The following PCDHGC3 variants were observed in gnomAD, a reference collection of about 807,000 sequenced individuals.
PCDHGC3 encodes the protein protocadherin gamma subfamily C, 3.
A neutral mutation model predicts 59.2 loss-of-function variants in PCDHGC3; 26 were observed. The ratio of observed to expected loss-of-function variants is 0.44; its 90% CI spans 0.32 to 0.61. PCDHGC3 has a LOEUF of 0.61. PCDHGC3 is among the 20% of genes least tolerant of loss of function. The pLI, the probability that PCDHGC3 is intolerant of heterozygous loss-of-function variation, is 0.05. For synonymous variants in PCDHGC3, 487 were observed against 519.7 expected, an observed-to-expected ratio of 0.94 and a Z score of 0.86; for missense variants, 1,080 against 1,221.8, an observed-to-expected ratio of 0.88 and a Z score of 1.73.
In PCDHGC3 at chr5:141,476,141, G is replaced by A. The variant is rs1011341002; in HGVS notation, c.25G>A (p.Gly9Arg). The change falls in exon 1 of 4, where the codon GGA (glycine) becomes AGA (arginine). Residue 9 changes from glycine to arginine, a missense_variant. Physicochemically the swap from Gly to Arg is moderately radical, Grantham distance 125 (BLOSUM62 -2). Coordinates refer to ENST00000308177, the MANE Select transcript of PCDHGC3 (RefSeq NM_002588.4). This position sits in a 1 kb window ranked among gnomAD's most constrained non-coding sequence, Gnocchi z 7.6. ...GATGGTCCCAGAGGCCTGGAGGAGCGGACTGGTAAGCACCGGGAGGGTAGT... is the reference window on the plus strand; with the variant it reads ...GATGGTCCCAGAGGCCTGGAGGAGCAGACTGGTAAGCACCGGGAGGGTAGT... Reference protein sequence around the residue: MVPEAWRSGLVSTGRVVGV... With the variant: MVPEAWRSRLVSTGRVVGV... 5.6e-6 allele frequency: 9 copies of A among 1,609,928 alleles called. No homozygotes were observed. Among genetic ancestry groups the A allele is most frequent in the Non-Finnish European group, 7.6e-6 (9 of 1,178,880 alleles).
Position 141,476,239 on chromosome 5 carries a change from A to T in PCDHGC3, c.123A>T (p.Arg41Ser). ...TVIHYEIPEEREKGFAVGNVV... is the reference protein window; with the variant it reads ...TVIHYEIPEESEKGFAVGNVV... ...TTCACTATGAGATCCCGGAGGAAAG[A>T]GAGAAGGGTTTCGCTGTGGGCAACG... is the stretch of plus-strand genomic sequence containing the variant. The change falls in exon 1 of 4, where the codon AGA becomes AGT. Residue 41 changes from arginine (R) to serine (S), a missense_variant. Physicochemically the swap from Arg to Ser is moderately radical, Grantham distance 110. Coordinates refer to ENST00000308177, the MANE Select transcript of PCDHGC3 (RefSeq NM_002588.4). This position sits in a 1 kb window ranked among gnomAD's most constrained non-coding sequence, Gnocchi z 7.6. 1 of 1,613,826 alleles carries T rather than the reference A, an allele frequency of 6.2e-7. No homozygotes were observed. Among genetic ancestry groups the T allele is most frequent in the Non-Finnish European group, 8.5e-7 (1 of 1,179,996 alleles).
At position 141,477,039 on chromosome 5, in the gene PCDHGC3, G is replaced by C. The variant is rs1313580652; in HGVS notation, c.923G>C (p.Gly308Ala). Reference sequence around the variant, plus strand: ...GTAACCGGGATGCTGACAATCAAGGGTCGGCTGGACTTCGAGGACACCAAA... The same window carrying C: ...GTAACCGGGATGCTGACAATCAAGGCTCGGCTGGACTTCGAGGACACCAAA... Reference protein sequence around the residue: ...DLVTGMLTIKGRLDFEDTKLH... With the variant: ...DLVTGMLTIKARLDFEDTKLH... Residue 308 changes from glycine to alanine, a missense_variant, in exon 1 of 4, where the codon GGT becomes GCT. Coordinates refer to ENST00000308177, the MANE Select transcript of PCDHGC3 (RefSeq NM_002588.4). This position sits in a 1 kb window ranked among gnomAD's most constrained non-coding sequence, Gnocchi z 4.9. 1 of 1,614,144 alleles carries C rather than the reference G, an allele frequency of 6.2e-7. No individual in the cohort carries two copies. The highest frequency in any genetic ancestry group is 8.5e-7 in the Non-Finnish European group (1 of 1,180,056).
At position 141,511,482 on chromosome 5, in the gene PCDHGC3, C is replaced by A. The variant is rs761434245; in HGVS notation, c.*309C>A. ...CACACCCCGTTTAGTTACAGCTGAA[C>A]TCCTCCATCTTCCAAATCAATCAGG... On this transcript the variant is annotated 3_prime_UTR_variant, in exon 4 of 4. Coordinates refer to ENST00000308177, the MANE Select transcript of PCDHGC3 (RefSeq NM_002588.4). The A allele has an allele frequency of 2.4e-4, 113 of 464,462 alleles. No homozygotes were observed. Among genetic ancestry groups the A allele is most frequent in the Non-Finnish European group, 4.0e-4 (105 of 260,154 alleles). The allele number at this position is 464,462 out of a possible 1,614,324, so 28.8% of individuals were successfully genotyped here. A position where few individuals can be genotyped will look rare whatever the true frequency, so the allele number is the denominator to read the frequency against.
At position 141,487,499 on chromosome 5, in the gene PCDHGC3, G is replaced by C; in HGVS notation, c.2431-7308G>C. 6.2e-7 allele frequency: 1 copy of C among 1,614,152 alleles called. No individual in the cohort carries two copies. The highest frequency in any genetic ancestry group is 1.3e-5 in the African/African-American group (1 of 75,042). ...CCACTCTCATGGCTGTACACCCTTG[G>C]CTTCTGCACCCACTCGGAGTGATAG... On this transcript the variant is annotated intron_variant, in intron 1 of 3. Coordinates refer to ENST00000308177, the MANE Select transcript of PCDHGC3 (RefSeq NM_002588.4). The surrounding 1 kb of genome is among the most constrained non-coding windows in gnomAD (Gnocchi z 5.0).
intron 2 of PCDHGC3, among the ~76,000 whole-genome samples, chr5:141,503,886 T>G (rs150106838): frequency 8.2e-4 from 125 of 152,290 alleles, no homozygotes; most frequent in African/African-American, 2.9e-3. Flanking sequence ...TCACCCACCA[T>G]GACAAAATAT....
Position 141,476,591 on chromosome 5 carries a change from G to T in PCDHGC3, c.475G>T (p.Ala159Ser), listed in dbSNP as rs200254399. The T allele has an allele frequency of 6.2e-7, 1 of 1,614,230 alleles. No homozygotes were observed. The highest frequency in any genetic ancestry group is 8.5e-7 in the Non-Finnish European group (1 of 1,180,046). Residue 159 changes from alanine (A) to serine (S), a missense_variant, in exon 1 of 4, where the codon GCG becomes TCG. Physicochemically the swap from Ala to Ser is moderately conservative, Grantham distance 99 (BLOSUM62 1). Transcript: ENST00000308177. The surrounding 1 kb of genome is among the most constrained non-coding windows in gnomAD (Gnocchi z 7.6). The stretch of plus-strand genomic sequence containing the variant: ...GGGGACGCGCTTTCCGCTCGAGAGC[G>T]CGCACGATCCCGATGTGGGAAGCAA... The part of the protein sequence containing the change: ...APGTRFPLES[A>S]HDPDVGSNSL...
At position 141,486,415 on chromosome 5, in the gene PCDHGC3, T is replaced by C. The variant is rs745877804; in HGVS notation, c.2430+7869T>C. On this transcript the variant is annotated intron_variant, in intron 1 of 3. Transcript: ENST00000308177. The surrounding 1 kb of genome is among the most constrained non-coding windows in gnomAD (Gnocchi z 5.0). ...CCCTGGTGACTGCTGGACCCTTGGA[T>C]CGAGAGGCCAAATCTAGCTATGACA... 6.2e-7 allele frequency: 1 copy of C among 1,614,176 alleles called. No individual in the cohort carries two copies. The highest frequency in any genetic ancestry group is 8.5e-7 in the Non-Finnish European group (1 of 1,180,022).
chr5:141,487,811 A>C lies in PCDHGC3; in HGVS notation c.2431-6996A>C, dbSNP rs1389081995. 2 of 1,414,662 alleles carry C rather than the reference A, an allele frequency of 1.4e-6. No homozygotes were observed. The highest frequency in any genetic ancestry group is 1.9e-6 in the Non-Finnish European group (2 of 1,041,698). The allele number at this position is 1,414,662 out of a possible 1,614,324, so 87.6% of individuals were successfully genotyped here. On this transcript the variant is annotated intron_variant, in intron 1 of 3. Coordinates refer to ENST00000308177, the MANE Select transcript of PCDHGC3 (RefSeq NM_002588.4). This position sits in a 1 kb window ranked among gnomAD's most constrained non-coding sequence, Gnocchi z 5.0. ...TTAACCAGAGTTGTCACAGTTTAGC[A>C]TTGGGGGCGGGTCATGCCTATATCT...
At chr5:141,500,315 G>C (rs944076867) in intron 2 of PCDHGC3, among the ~76,000 whole-genome samples, 41 of 151,522 alleles carry the variant, frequency 2.7e-4, no homozygotes, top group African/African-American at 9.5e-4. Flanking sequence ...TTCACGCCAT[G>C]CTCCTGCCTC....
Position 141,477,568 on chromosome 5 carries a change from C to T in PCDHGC3, c.1452C>T (p.Pro484=), listed in dbSNP as rs2099413139. The T allele has an allele frequency of 6.2e-7, 1 of 1,614,172 alleles. No individual in the cohort carries two copies. The highest frequency in any genetic ancestry group is 1.7e-4 in the Middle Eastern group (1 of 6,060). The change falls in exon 1 of 4, where the codon CCC becomes CCT. Residue 484 remains proline (P), a synonymous_variant. Transcript: ENST00000308177. This position sits in a 1 kb window ranked among gnomAD's most constrained non-coding sequence, Gnocchi z 4.9. ...TACTAAACCTAAGTGTCTGGGACCC[C>T]GACGCCCCGCAGAATGCTCGGCTTT... ...APILNLSVWD[P]DAPQNARLSF...
rs2154591305 is a variant in PCDHGC3, at chr5:141,493,879, G to A, written c.2431-928G>A. Among the ~76,000 whole-genome samples the A allele has an allele frequency of 6.6e-6, 1 of 152,288 alleles. No homozygotes were observed. The highest frequency in any genetic ancestry group is 6.5e-5 in the Admixed American group (1 of 15,302). ...CCCACCCCAGAACCAGTGAGGAGGT[G>A]GCTCTAGGAGTGCTCCATGAGAGTG... On this transcript the variant is annotated intron_variant, in intron 1 of 3. Coordinates refer to ENST00000308177, the MANE Select transcript of PCDHGC3 (RefSeq NM_002588.4). This position sits in a 1 kb window ranked among gnomAD's most constrained non-coding sequence, Gnocchi z 4.3.
In PCDHGC3 at chr5:141,477,143, G is replaced by T; in HGVS notation, c.1027G>T (p.Val343Leu). The change falls in exon 1 of 4, where the codon GTG (valine) becomes TTG (leucine). Residue 343 changes from valine to leucine, a missense_variant. Transcript: ENST00000308177. The surrounding 1 kb of genome is among the most constrained non-coding windows in gnomAD (Gnocchi z 4.9). The stretch of plus-strand genomic sequence containing the variant: ...ACATTGCAAAGTGTTGGTGGAGGTT[G>T]TGGATGTGAATGACAACGCCCCGGA... ...GAHCKVLVEV[V>L]DVNDNAPEIT... The T allele has an allele frequency of 6.2e-7, 1 of 1,614,198 alleles. No homozygotes were observed. The highest frequency in any genetic ancestry group is 8.5e-7 in the Non-Finnish European group (1 of 1,180,036).
At chr5:141,494,522 G>C (rs2099754911) in intron 1 of PCDHGC3, among the ~76,000 whole-genome samples, 1 of 152,196 alleles carries the variant, frequency 6.6e-6, no homozygotes, top group Non-Finnish European at 1.5e-5. Flanking sequence ...CAGGAGTTCT[G>C]ACTCTGGGGG....
Position 141,489,980 on chromosome 5 carries a change from T to G in PCDHGC3, c.2431-4827T>G, listed in dbSNP as rs2099694325. 1.2e-6 allele frequency: 2 copies of G among 1,614,204 alleles called. No individual in the cohort carries two copies. The highest frequency in any genetic ancestry group is 1.7e-6 in the Non-Finnish European group (2 of 1,180,012). On this transcript the variant is annotated intron_variant, in intron 1 of 3. Transcript: ENST00000308177. This position sits in a 1 kb window ranked among gnomAD's most constrained non-coding sequence, Gnocchi z 4.5. ...GCTCCAACCTTCCAATCCTCAGTTC[T>G]ACGTGTGGGAATCCCAGAGAATGCA...
At chr5:141,505,121 C>A (rs1194549194) in intron 2 of PCDHGC3, among the ~76,000 whole-genome samples, 1 of 152,168 alleles carries the variant, frequency 6.6e-6, no homozygotes, top group Non-Finnish European at 1.5e-5. Context: ...AAGATCGCGC[C>A]ACTGCACTCC....
At chr5:141,484,478 A>G (rs2099596967) in intron 1 of PCDHGC3, among the ~76,000 whole-genome samples, 1 of 152,244 alleles carries the variant, frequency 6.6e-6, no homozygotes, top group Admixed American at 6.5e-5. Context: ...CTTTTCTGCA[A>G]AGAGATGGAT....
At position 141,486,478 on chromosome 5, in the gene PCDHGC3, C is replaced by T; in HGVS notation, c.2430+7932C>T. The T allele has an allele frequency of 2.5e-6, 4 of 1,614,026 alleles. No homozygotes were observed. The highest frequency in any genetic ancestry group is 3.4e-6 in the Non-Finnish European group (4 of 1,179,854). On this transcript the variant is annotated intron_variant, in intron 1 of 3. Transcript: ENST00000308177. The surrounding 1 kb of genome is among the most constrained non-coding windows in gnomAD (Gnocchi z 5.0). ...CTTCTGATGCTGGGAACCCTCCTCT[C>T]AGTACCCACAGAACTATTTTCCTCA...
intron 2 of PCDHGC3, among the ~76,000 whole-genome samples, chr5:141,502,908 C>G (rs1398336138): frequency 1.5e-5 from 2 of 132,418 alleles, no homozygotes; most frequent in Non-Finnish European, 3.0e-5. Flanking sequence ...TGTTGCCAGG[C>G]TGGAGTGCAG....
intron 2 of PCDHGC3, among the ~76,000 whole-genome samples, chr5:141,502,989 G>A (rs140974023): frequency 0.024 from 3,652 of 150,590 alleles, 56 homozygotes; most frequent in East Asian, 0.043. Context: ...GATTACAGGC[G>A]TGTGCCACCA....
Sources: allele counts gnomAD v4.1 joint callset (sites outside exome capture counted in the v4.1 genomes callset), GRCh38; gene constraint gnomAD v4.1.1; non-coding constraint Gnocchi (gnomAD v3.1); transcripts MANE v1.5; gene names NCBI Gene and HGNC (gene_info 2026-07-23, HGNC 2026-07-21).